Variants in PLSCR2 observed in about 807,000 individuals in gnomAD.
The protein encoded by PLSCR2 is phospholipid scramblase 2.
A neutral mutation model predicts 25.3 loss-of-function variants in PLSCR2; 18 were observed. The observed-to-expected ratio is 0.71, with a 90% confidence interval of 0.49 to 1.06. The LOEUF is 1.06. PLSCR2 is among the 50% of genes least tolerant of loss of function. The probability of loss-of-function intolerance (pLI) is 0.00; values close to 1 mark genes in which losing one functional copy is unlikely to be tolerated. For missense variants in PLSCR2, 243 were observed against 269.5 expected (o/e 0.90, Z 0.69); for synonymous variants, 88 against 87.3 (o/e 1.01, Z -0.04).
chr3:146,453,749 G>A (rs910938090), intron 5 of PLSCR2, among the ~76,000 whole-genome samples: 10 of 152,210 alleles, frequency 6.6e-5, no homozygotes, highest in South Asian at 4.1e-4. Context: ...AACCCAACAT[G>A]TTTAAGTGTT....
At chr3:146,426,176 T>G (rs2039338911) in intron 2 of PLSCR2, among the ~76,000 whole-genome samples, 1 of 149,626 alleles carries the variant, frequency 6.7e-6, no homozygotes, top group African/African-American at 2.5e-5. Context: ...TTTATTTTCC[T>G]TCCTTCCTCC....
intron 2 of PLSCR2, among the ~76,000 whole-genome samples, chr3:146,402,527 G>T (rs1305103945): frequency 6.6e-6 from 1 of 151,916 alleles, no homozygotes; most frequent in Non-Finnish European, 1.5e-5. Flanking sequence ...GAGTGCAGTG[G>T]CACAGTCTCG....
intron 8 of PLSCR2, among the ~76,000 whole-genome samples, 164 bp from the exon 8 acceptor site, chr3:146,433,681 T>C (rs2039645186): frequency 6.6e-6 from 1 of 152,148 alleles, no homozygotes. Flanking sequence ...TACCTCCACT[T>C]GACTTGGCAT....
At chr3:146,393,817 A>AAAAAC (rs1421230640) in intron 3 of PLSCR2, among the ~76,000 whole-genome samples, 2 of 151,942 alleles carry the variant, frequency 1.3e-5, no homozygotes, top group East Asian at 1.9e-4. Flanking sequence ...TCAAAAAAAA[A>AAAAAC]AAAAAAACTT....
At chr3:146,443,140 C>T (rs1229776398) in intron 6 of PLSCR2, among the ~76,000 whole-genome samples, 1 of 151,996 alleles carries the variant, frequency 6.6e-6, no homozygotes, top group African/African-American at 2.4e-5. Flanking sequence ...GATGAATTAT[C>T]TTTTTGATGT....
chr3:146,406,750 G>C (rs144177188), intron 2 of PLSCR2, among the ~76,000 whole-genome samples: 228 of 152,230 alleles, frequency 1.5e-3, no homozygotes, highest in African/African-American at 5.3e-3. Flanking sequence ...CAGAGCTGTT[G>C]GCATTGTGAG....
intron 2 of PLSCR2, among the ~76,000 whole-genome samples, chr3:146,423,802 C>T (rs1055792164): frequency 2.0e-5 from 3 of 151,868 alleles, no homozygotes; most frequent in Admixed American, 6.6e-5. Flanking sequence ...GGAAGGAGGC[C>T]ACAAGTCAAG....
At chr3:146,481,186 C>G (rs2043116982) in intron 1 of PLSCR2, among the ~76,000 whole-genome samples, 1 of 152,118 alleles carries the variant, frequency 6.6e-6, no homozygotes, top group Non-Finnish European at 1.5e-5. Context: ...ACAATGATGC[C>G]CTCTCTCACC....
At chr3:146,428,586 C>A (rs1410171214), downstream of PLSCR2, among the ~76,000 whole-genome samples, 2 of 152,162 alleles carry the variant, frequency 1.3e-5, no homozygotes, top group Non-Finnish European at 2.9e-5. Flanking sequence ...AGCCCTCCCA[C>A]CTTGTAAATC....
rs140461721 is a variant in PLSCR2, at chr3:146,444,436, C to T, written c.646-2615G>A. On this transcript the variant is annotated intron_variant, in intron 6 of 6. Coordinates refer to ENST00000610787, the Ensembl canonical transcript of PLSCR2. The stretch of plus-strand genomic sequence containing the variant: ...CTAATAATATTTGCTTTCTATATCT[C>T]GGTGCTCCAGTATTGGGTGCATATA... Among the ~76,000 whole-genome samples the T allele has an allele frequency of 3.5e-3, 528 of 151,420 alleles. 3 individuals carry two copies. The highest frequency in any genetic ancestry group is 5.9e-3 in the Non-Finnish European group (398 of 67,698).
At chr3:146,402,584 C>CA in intron 2 of PLSCR2, among the ~76,000 whole-genome samples, 1 of 152,186 alleles carries the variant, frequency 6.6e-6, no homozygotes, top group South Asian at 2.1e-4. Flanking sequence ...TCTCCTGCCT[C>CA]AGCCTCCCGA....
chr3:146,421,409 A>AAT (rs2039145861), intron 2 of PLSCR2, among the ~76,000 whole-genome samples: 1 of 152,198 alleles, frequency 6.6e-6, no homozygotes, highest in South Asian at 2.1e-4. Flanking sequence ...TAGCCTGAAG[A>AAT]CTACTATTTC....
At chr3:146,478,214 G>C (rs2042992938) in intron 1 of PLSCR2, among the ~76,000 whole-genome samples, 1 of 152,138 alleles carries the variant, frequency 6.6e-6, no homozygotes. Flanking sequence ...ACCAGCAATG[G>C]AACAAAGCTG....
chr3:146,403,143 AAC>A (rs77006503), intron 2 of PLSCR2, among the ~76,000 whole-genome samples: 31 of 150,272 alleles, frequency 2.1e-4, no homozygotes, highest in African/African-American at 3.9e-4. Flanking sequence ...ACATATTGTA[AAC>A]ACACACACAC....
rs79821224 is a variant in PLSCR2 at position 146,427,842 on chromosome 3, T to C, written c.100+30569A>G. Among the ~76,000 whole-genome samples, 1,408 of 152,316 alleles carry C rather than the reference T, an allele frequency of 9.2e-3. 18 individuals are homozygous for C. Among genetic ancestry groups the C allele is most frequent in the African/African-American group, 0.033 (1,359 of 41,576 alleles). On this transcript the variant is annotated intron_variant and NMD_transcript_variant, in intron 2 of 3. Coordinates refer to the PLSCR2 transcript ENST00000463633. The stretch of plus-strand genomic sequence containing the variant: ...ATTTTGTTCATTATTGAGGTCAATA[T>C]ACCTAACAAAACCAATAGCCCAGAG...
exon 9 of PLSCR2, chr3:146,433,415 T>G (rs1260580035): frequency 4.6e-5 from 7 of 152,274 alleles, no homozygotes; most frequent in Admixed American, 2.0e-4. Flanking sequence ...GTTCCACAGA[T>G]AGTGTGCGAG....
chr3:146,475,224 T>C (rs1169959499), intron 1 of PLSCR2, among the ~76,000 whole-genome samples: 1 of 152,126 alleles, frequency 6.6e-6, no homozygotes, highest in Admixed American at 6.5e-5. Flanking sequence ...AGAGGCACTC[T>C]GGCCTTTTGG....
chr3:146,468,714 T>C (rs540724022), intron 1 of PLSCR2, among the ~76,000 whole-genome samples: 7 of 152,294 alleles, frequency 4.6e-5, no homozygotes, highest in African/African-American at 1.7e-4. Flanking sequence ...CCCATAAAGA[T>C]AAAATGTTTA....
At chr3:146,429,868 G>T (rs1204227838), downstream of PLSCR2, among the ~76,000 whole-genome samples, 1 of 152,000 alleles carries the variant, frequency 6.6e-6, no homozygotes, top group Non-Finnish European at 1.5e-5. Flanking sequence ...CGTGTGATCC[G>T]CCCACCTTGG....
Sources: gnomAD v4.1 joint callset for allele counts (sites outside exome capture counted in the v4.1 genomes callset) on GRCh38, gnomAD v4.1.1 for gene constraint, MANE v1.5 for transcripts, NCBI Gene and HGNC (gene_info 2026-07-23, HGNC 2026-07-21) for gene names.